The following ATP5F1A variants were observed in gnomAD, a reference collection of about 807,000 sequenced individuals.
The protein encoded by ATP5F1A is ATP synthase F1 subunit alpha, also known as ATP synthase F(1) complex subunit alpha, mitochondrial.
ATP5F1A carries 24 observed loss-of-function variants against 57.4 expected under a neutral mutation model. That is an observed-to-expected ratio of 0.42 (90% confidence interval 0.30 to 0.59). ATP5F1A has a LOEUF of 0.59. Ranked by LOEUF, ATP5F1A falls within the 20% of genes least tolerant of loss-of-function variation. The pLI, the probability that ATP5F1A is intolerant of heterozygous loss-of-function variation, is 0.19. For missense variants in ATP5F1A, 494 were observed against 707.9 expected (o/e 0.70, Z 3.43); for synonymous variants, 251 against 255.5 (o/e 0.98, Z 0.17).
At chr18:46,097,825 AGG>A (rs1911071017) in intron 1 of ATP5F1A, 3 of 1,105,904 alleles carry the variant, frequency 2.7e-6, no homozygotes, top group Non-Finnish European at 3.3e-6. Flanking sequence ...ATCGAAAGAG[AGG>A]AACCTCACCG....
Position 46,092,117 on chromosome 18 carries a change from C to T in ATP5F1A, c.140-266G>A, listed in dbSNP as rs778671311. On this transcript the variant is annotated intron_variant, in intron 2 of 11. Transcript: ENST00000398752. Reference sequence around the variant, plus strand: ...GCTTGAACCCAGGAGGCGGAGGTTGCGGTGAGCTGAAATCACACCATTGCA... The same window carrying T: ...GCTTGAACCCAGGAGGCGGAGGTTGTGGTGAGCTGAAATCACACCATTGCA... 3.4e-5 allele frequency: 6 copies of T among 177,138 alleles called. No individual in the cohort carries two copies. The South Asian group carries it at 4.5e-4, about 13-fold the overall frequency. The allele number at this position is 177,138 out of a possible 1,614,324, so 11.0% of individuals were successfully genotyped here.
chr18:46,102,766 G>A (rs1009483780), upstream of ATP5F1A, among the ~76,000 whole-genome samples: 9 of 152,022 alleles, frequency 5.9e-5, no homozygotes, highest in Non-Finnish European at 1.0e-4. Context: ...GGGCAACATA[G>A]TGAGACCCTC....
rs1246893257 is a variant in ATP5F1A at position 46,086,369 on chromosome 18, A to G, written c.1284+18T>C. 1.2e-6 allele frequency: 2 copies of G among 1,613,968 alleles called. No individual in the cohort carries two copies. Among genetic ancestry groups the G allele is most frequent in the African/African-American group, 1.3e-5 (1 of 75,054 alleles). On this transcript the variant is annotated intron_variant, in intron 9 of 11. Transcript: ENST00000398752. Reference sequence around the variant, plus strand: ...ATCTAATGATAGCCCCCTTACTGCCAAAGTGATGCAAAATTACCTGCTTCA... The same window carrying G: ...ATCTAATGATAGCCCCCTTACTGCCGAAGTGATGCAAAATTACCTGCTTCA...
At chr18:46,091,566 AT>A (rs1217913784) in intron 3 of ATP5F1A, 115 bp downstream of exon 3, 13 of 1,158,738 alleles carry the variant, frequency 1.1e-5, no homozygotes, top group African/African-American at 1.6e-5. Flanking sequence ...CAAGAAAAAA[AT>A]CTGAGGCAAA....
chr18:46,098,408 G>A (rs763041663), upstream of ATP5F1A: 19 of 1,360,386 alleles, frequency 1.4e-5, no homozygotes, highest in Admixed American at 3.3e-5. Flanking sequence ...TTTTTGGCAG[G>A]TTACTTATTT....
chr18:46,088,902 GA>G (rs1443452791), intron 5 of ATP5F1A, among the ~76,000 whole-genome samples: 1 of 152,026 alleles, frequency 6.6e-6, no homozygotes, highest in Non-Finnish European at 1.5e-5. Context: ...GGCTGGAGGT[GA>G]GATATGCTGG....
chr18:46,086,515 C>G, intron 8 of ATP5F1A, 21 bp from the exon 9 acceptor site: 1 of 1,598,006 alleles, frequency 6.3e-7, no homozygotes. Context: ...AGGAAATACG[C>G]ACGCTAGCAA....
chr18:46,099,942 G>A (rs1409621780), upstream of ATP5F1A, among the ~76,000 whole-genome samples: 4 of 152,082 alleles, frequency 2.6e-5, no homozygotes, highest in Non-Finnish European at 5.9e-5. Flanking sequence ...GTTCTCCTGG[G>A]AATCAGGGGT....
At chr18:46,098,299 C>T, upstream of ATP5F1A, 1 of 1,510,616 alleles carries the variant, frequency 6.6e-7, no homozygotes, top group Non-Finnish European at 8.9e-7. Flanking sequence ...ACAAAATGGC[C>T]GAGCCGCAAA....
intron 2 of ATP5F1A, 90 bp from the exon 3 acceptor site, chr18:46,091,941 G>A (rs1910584996): frequency 1.2e-5 from 16 of 1,301,798 alleles, no homozygotes; most frequent in Non-Finnish European, 1.4e-5. Context: ...TGGAGGCTGA[G>A]GCAGGCAGAT....
chr18:46,084,971 G>GT (rs1283729919), intron 10 of ATP5F1A: 9 of 219,540 alleles, frequency 4.1e-5, no homozygotes, highest in East Asian at 3.9e-4. Context: ...AAATAAAAAC[G>GT]TATTAACTTT....
rs1007784494 is a variant in ATP5F1A at position 46,093,398 on chromosome 18, G to A, written c.140-1547C>T. On this transcript the variant is annotated intron_variant, in intron 2 of 11. Transcript: ENST00000398752. ...AAAAAAAAAAAAAAATTAGCCAGCT[G>A]TGGTGGTGCATGCTTGTAATACCAG... 2.0e-5 allele frequency: 3 copies of A among 151,580 alleles called. No individual in the cohort carries two copies. The East Asian group carries it at 5.8e-4, about 29-fold the overall frequency. The allele number at this position is 151,580 out of a possible 1,614,324, so 9.4% of individuals were successfully genotyped here.
At chr18:46,084,856 C>T (rs1219641155) in intron 10 of ATP5F1A, 2 of 511,304 alleles carry the variant, frequency 3.9e-6, no homozygotes, top group Non-Finnish European at 6.6e-6. Flanking sequence ...CTTATATTTT[C>T]AAGGCTTGAG....
At chr18:46,084,423 C>T (rs894170493) in intron 11 of ATP5F1A, 60 bp from the exon 12 acceptor site, 3 of 1,582,724 alleles carry the variant, frequency 1.9e-6, no homozygotes, top group South Asian at 1.2e-5. Flanking sequence ...AATGACTAGC[C>T]TAACTACAGA....
rs922919853 is a variant in ATP5F1A at position 46,083,555 on chromosome 18, T to A, written c.*727A>T. Reference sequence around the variant, plus strand: ...TGAGAATTTTAACTGTCCTATTATTTTCCTGCCTACAGTACCTCTTTATGC... The same window carrying A: ...TGAGAATTTTAACTGTCCTATTATTATCCTGCCTACAGTACCTCTTTATGC... On this transcript the variant is annotated 3_prime_UTR_variant, in exon 12 of 12. Transcript: ENST00000398752. 1.3e-5 allele frequency: 2 copies of A among 152,246 alleles called. No individual in the cohort carries two copies. Among genetic ancestry groups the A allele is most frequent in the African/African-American group, 4.8e-5 (2 of 41,456 alleles). The allele number at this position is 152,246 out of a possible 1,614,324, so 9.4% of individuals were successfully genotyped here.
At chr18:46,098,361 CA>C, upstream of ATP5F1A, 1 of 1,228,236 alleles carries the variant, frequency 8.1e-7, no homozygotes, top group Admixed American at 3.5e-5. Context: ...CCCTCGCGTT[CA>C]CCACCTCTCC....
At chr18:46,099,746 A>G (rs770892669), upstream of ATP5F1A, among the ~76,000 whole-genome samples, 24 of 152,120 alleles carry the variant, frequency 1.6e-4, no homozygotes, top group Non-Finnish European at 2.6e-4. Context: ...CACCGTTTGG[A>G]GAAGCATTTT....
intron 5 of ATP5F1A, chr18:46,088,744 C>T (rs1287822585): frequency 1.3e-5 from 2 of 152,520 alleles, no homozygotes; most frequent in Admixed American, 6.5e-5. Context: ...AGGGTCTGTG[C>T]TGAGGAGGAT....
At chr18:46,098,508 G>A (rs1278665091), upstream of ATP5F1A, 5 of 773,368 alleles carry the variant, frequency 6.5e-6, no homozygotes, top group African/African-American at 3.7e-5. Flanking sequence ...CATTTATTTT[G>A]GTCTTTTGAG....
Sources: allele counts gnomAD v4.1 joint callset (sites outside exome capture counted in the v4.1 genomes callset), GRCh38; gene constraint gnomAD v4.1.1; transcripts MANE v1.5; gene names NCBI Gene and HGNC (gene_info 2026-07-23, HGNC 2026-07-21).